The following ARMC2 variants were observed in gnomAD, a reference collection of about 807,000 sequenced individuals.
The protein encoded by ARMC2 is armadillo repeat containing 2.
In ARMC2, 67 loss-of-function variants were observed where a neutral mutation model predicts 90.3. The observed-to-expected ratio is 0.74, with a 90% CI of 0.61 to 0.91. ARMC2 has a LOEUF of 0.91. Ranked by LOEUF, ARMC2 falls within the 40% of genes least tolerant of loss-of-function variation. ARMC2 has a pLI of 0.00. For synonymous variants in ARMC2, 393 were observed against 393.0 expected, an observed-to-expected ratio of 1.00 and a Z score of 0.00; for missense variants, 920 against 1,030.9, an observed-to-expected ratio of 0.89 and a Z score of 1.47.
intron 5 of ARMC2, among the ~76,000 whole-genome samples, chr6:108,881,016 A>C (rs188564521): frequency 5.8e-4 from 88 of 151,710 alleles, no homozygotes; most frequent in African/African-American, 2.1e-3. Flanking sequence ...CCACCACGCC[A>C]AGCTAATTTT....
At chr6:108,862,042 T>C (rs1465070773) in intron 3 of ARMC2, among the ~76,000 whole-genome samples, 1 of 152,136 alleles carries the variant, frequency 6.6e-6, no homozygotes, top group Non-Finnish European at 1.5e-5. Context: ...TTGGGTGCTA[T>C]GTTCACAGTA....
At chr6:109,008,902 A>G in the ARMC2 span, 1 of 986,652 alleles carries the variant, frequency 1.0e-6, no homozygotes, top group Non-Finnish European at 1.2e-6. Context: ...CTCTCTTTTA[A>G]GTAGGAGGCA....
intron 5 of ARMC2, 29 bp downstream of exon 5, chr6:108,876,379 G>A: frequency 6.3e-7 from 1 of 1,590,830 alleles, no homozygotes; most frequent in Non-Finnish European, 8.6e-7. Flanking sequence ...TAATTTTCTG[G>A]TCAGGATAAT....
At position 108,961,611 on chromosome 6, in the gene ARMC2, A is replaced by G. The variant is rs1402108192; in HGVS notation, c.1955A>G (p.Asn652Ser). ...GATGATTGTGAGGAGCTGGTGATCA[A>G]TGCTACAGCGACAATCAACAATTTA... ...SLDDCEELVINATATINNLSY... is the reference protein window; with the variant it reads ...SLDDCEELVISATATINNLSY... Residue 652 changes from asparagine to serine, a missense_variant, in exon 14 of 18, where the codon AAT becomes AGT. Physicochemically the swap from Asn to Ser is conservative, Grantham distance 46. Coordinates refer to ENST00000392644, the MANE Select transcript of ARMC2 (RefSeq NM_032131.6). 6 of 1,612,486 alleles carry G rather than the reference A, an allele frequency of 3.7e-6. No individual in the cohort carries two copies. The highest frequency in any genetic ancestry group is 2.7e-5 in the African/African-American group (2 of 75,006).
At chr6:108,992,562 A>G in the ARMC2 span, among the ~76,000 whole-genome samples, 2 of 152,362 alleles carry the variant, frequency 1.3e-5, no homozygotes, top group African/African-American at 4.8e-5. Flanking sequence ...ATACTTACAT[A>G]TTTAAATATT....
chr6:109,026,805 G>T, the ARMC2 span, among the ~76,000 whole-genome samples: 1 of 152,100 alleles, frequency 6.6e-6, no homozygotes, highest in African/African-American at 2.4e-5. Flanking sequence ...GCCCGGCCAG[G>T]TTTAACTTCT....
the ARMC2 span, chr6:109,000,741 A>G: frequency 4.0e-6 from 5 of 1,239,816 alleles, no homozygotes; most frequent in African/African-American, 7.8e-5. Context: ...TTTTATTTAC[A>G]ACATGCAAAA....
intron 5 of ARMC2, among the ~76,000 whole-genome samples, chr6:108,882,391 A>T (rs1395567516): frequency 2.0e-5 from 3 of 151,482 alleles, no homozygotes; most frequent in African/African-American, 4.9e-5. Context: ...GTGAGCCGAG[A>T]TCATGCCACT....
At position 108,973,691 on chromosome 6, in the gene ARMC2, T is replaced by C. The variant is rs1314374422; in HGVS notation, c.*177T>C. On this transcript the variant is annotated 3_prime_UTR_variant, in exon 18 of 18. Transcript: ENST00000392644. ...AAGCATTTCTTCTTGTTAGGTATTA[T>C]GGAAAAATGAATATACACATTATAT... 2 of 539,992 alleles carry C rather than the reference T, an allele frequency of 3.7e-6. No homozygotes were observed. The highest frequency in any genetic ancestry group is 3.1e-6 in the Non-Finnish European group (1 of 322,348). 33.5% of individuals were successfully genotyped at this position (539,992 alleles called of 1,614,324 possible).
At chr6:108,937,328 A>G (rs1004485434) in intron 12 of ARMC2, among the ~76,000 whole-genome samples, 110 of 152,212 alleles carry the variant, frequency 7.2e-4, no homozygotes, top group African/African-American at 2.5e-3. Flanking sequence ...CCCCACCCCA[A>G]GGGTTATTTC....
chr6:108,870,903 AAG>A (rs1240185405), intron 4 of ARMC2, among the ~76,000 whole-genome samples: 2 of 148,424 alleles, frequency 1.3e-5, no homozygotes, highest in Non-Finnish European at 3.0e-5. Context: ...ACAAATAAGT[AAG>A]AGAATTTGAG....
intron 6 of ARMC2, 47 bp downstream of exon 6, chr6:108,894,590 G>T: frequency 6.6e-7 from 1 of 1,518,518 alleles, no homozygotes; most frequent in Non-Finnish European, 8.9e-7. Context: ...CCACTTGAAG[G>T]AAAGATGTTT....
chr6:108,876,930 A>G (rs893557140), intron 5 of ARMC2, among the ~76,000 whole-genome samples: 5 of 152,320 alleles, frequency 3.3e-5, no homozygotes, highest in African/African-American at 7.2e-5. Context: ...TTGAGAATCA[A>G]TCTTCCTACC....
chr6:108,952,923 T>C (rs1562423035), intron 12 of ARMC2, 110 bp from the exon 13 acceptor site: 6 of 1,049,548 alleles, frequency 5.7e-6, no homozygotes, highest in Admixed American at 5.1e-5. Flanking sequence ...AAGCCAGACG[T>C]GTTCCATTTT....
chr6:108,987,406 T>C, the ARMC2 span: 2 of 540,468 alleles, frequency 3.7e-6, no homozygotes, highest in Non-Finnish European at 6.6e-6. Flanking sequence ...CACAGAAAAA[T>C]AGCAGAAACT....
the ARMC2 span, among the ~76,000 whole-genome samples, chr6:108,994,953 C>T: frequency 6.6e-6 from 1 of 152,102 alleles, no homozygotes; most frequent in Non-Finnish European, 1.5e-5. Context: ...ATCTGTCCAC[C>T]TCGGCCTTCC....
At chr6:108,871,168 G>T (rs1239175657) in intron 4 of ARMC2, among the ~76,000 whole-genome samples, 1 of 152,038 alleles carries the variant, frequency 6.6e-6, no homozygotes. Flanking sequence ...AGGTCCAGTG[G>T]CTGGAAAGTG....
chr6:108,880,698 T>C (rs897859907), intron 5 of ARMC2, among the ~76,000 whole-genome samples: 1 of 151,572 alleles, frequency 6.6e-6, no homozygotes, highest in Non-Finnish European at 1.5e-5. Context: ...CTTCCTTTCT[T>C]TTTCTTCTCT....
intron 3 of ARMC2, among the ~76,000 whole-genome samples, chr6:108,867,108 G>A (rs566115060): frequency 6.6e-6 from 1 of 152,296 alleles, no homozygotes; most frequent in African/African-American, 2.4e-5. Flanking sequence ...TGTTATAGAA[G>A]TGACTTTAGG....
Sources: allele counts gnomAD v4.1 joint callset (sites outside exome capture counted in the v4.1 genomes callset), GRCh38; gene constraint gnomAD v4.1.1; transcripts MANE v1.5; gene names NCBI Gene and HGNC (gene_info 2026-07-23, HGNC 2026-07-21).